The following DCC variants were observed in gnomAD, a reference collection of about 807,000 sequenced individuals.
DCC encodes the protein DCC netrin 1 receptor, also known as netrin receptor DCC.
In DCC, 58 loss-of-function variants were observed where a neutral mutation model predicts 172.5. The observed-to-expected ratio is 0.34, with a 90% CI of 0.27 to 0.42. The LOEUF (loss-of-function observed/expected upper bound fraction) is 0.42. DCC is among the 10% of genes least tolerant of loss of function. DCC has a pLI of 1.00. For missense variants in DCC, 1,740 were observed against 1,791.0 expected (o/e 0.97, Z 0.51); for synonymous variants, 709 against 644.5 (o/e 1.10, Z -1.52).
chr18:52,926,940 T>C (rs553849474), intron 5 of DCC, among the ~76,000 whole-genome samples: 28 of 115,082 alleles, frequency 2.4e-4, no homozygotes, highest in African/African-American at 8.0e-4. Context: ...TATATAAACG[T>C]ATATGATATA....
intron 5 of DCC, among the ~76,000 whole-genome samples, chr18:53,044,207 A>G (rs575223534): frequency 1.3e-5 from 2 of 151,986 alleles, no homozygotes; most frequent in Admixed American, 6.6e-5. Flanking sequence ...AGTCAGTGCC[A>G]TTTTGCCTTC....
chr18:52,855,763 CTTT>C (rs71175526), intron 2 of DCC, among the ~76,000 whole-genome samples: 3,271 of 121,182 alleles, frequency 0.027, 106 homozygotes, highest in African/African-American at 0.087. Context: ...CGTATAAATT[CTTT>C]TTTTTTTTTT....
chr18:52,841,003 G>A (rs2038796442), intron 2 of DCC, among the ~76,000 whole-genome samples: 3 of 152,284 alleles, frequency 2.0e-5, no homozygotes, highest in Admixed American at 2.0e-4. Flanking sequence ...ATGACTGGGT[G>A]TGGAAGCTGA....
chr18:53,164,287 C>T (rs1163008602), intron 8 of DCC, among the ~76,000 whole-genome samples: 3 of 152,032 alleles, frequency 2.0e-5, no homozygotes, highest in Admixed American at 2.0e-4. Context: ...CTATGTTGCT[C>T]AGGATAGAGT....
At chr18:52,564,523 G>A (rs944118336) in intron 1 of DCC, among the ~76,000 whole-genome samples, 1 of 151,970 alleles carries the variant, frequency 6.6e-6, no homozygotes, top group Admixed American at 6.6e-5. Flanking sequence ...CAAATTACAT[G>A]TGCATTTTAA....
rs570721755 is a variant in DCC at position 53,200,544 on chromosome 18, G to T, written c.1574-4672G>T. Among the ~76,000 whole-genome samples the T allele has an allele frequency of 3.9e-5, 6 of 152,304 alleles. No homozygotes were observed. The East Asian group carries it at 9.7e-4, about 25-fold the overall frequency. Reference sequence around the variant, plus strand: ...CAACTCAATGGAGTGTGTACTGGCCGTTCTCCTGGGACAAAGAACCAGGAC... The same window carrying T: ...CAACTCAATGGAGTGTGTACTGGCCTTTCTCCTGGGACAAAGAACCAGGAC... On this transcript the variant is annotated intron_variant, in intron 9 of 28. Transcript: ENST00000442544.
intron 1 of DCC, among the ~76,000 whole-genome samples, chr18:52,639,823 C>T (rs1461605942): frequency 6.6e-6 from 1 of 152,010 alleles, no homozygotes; most frequent in African/African-American, 2.4e-5. Flanking sequence ...GACACTATTC[C>T]ACAAGATAGA....
intron 12 of DCC, among the ~76,000 whole-genome samples, chr18:53,224,939 T>C (rs2056000493): frequency 6.6e-6 from 1 of 152,144 alleles, no homozygotes; most frequent in South Asian, 2.1e-4. Flanking sequence ...GTCACTGTCA[T>C]ATTGATAACA....
intron 7 of DCC, among the ~76,000 whole-genome samples, chr18:53,105,839 T>C (rs1203078529): frequency 3.3e-5 from 5 of 151,748 alleles, no homozygotes; most frequent in Non-Finnish European, 7.4e-5. Context: ...TCTGCCATCA[T>C]GCCTGCCTGG....
Position 53,179,034 on chromosome 18 carries a change from G to A in DCC, c.1491G>A (p.Met497Ile). 1 of 1,614,074 alleles carries A rather than the reference G, an allele frequency of 6.2e-7. No homozygotes were observed. The highest frequency in any genetic ancestry group is 8.5e-7 in the Non-Finnish European group (1 of 1,179,962). ...TGGGAAACCTGAAGCCAGAAGCCAT[G>A]TACACCTTTCGAGTTGTGGCTTACA... ...LTVGNLKPEA[M>I]YTFRVVAYNE... Residue 497 changes from methionine (M) to isoleucine (I), a missense_variant, in exon 9 of 29, where the codon ATG becomes ATA. Transcript: ENST00000442544.
At chr18:53,349,971 C>T (rs147575149) in intron 15 of DCC, among the ~76,000 whole-genome samples, 279 of 152,196 alleles carry the variant, frequency 1.8e-3, no homozygotes, top group African/African-American at 6.1e-3. Context: ...CTGAATTTGG[C>T]TTAGGCAGTT....
intron 1 of DCC, among the ~76,000 whole-genome samples, chr18:52,379,259 A>G (rs147252632): frequency 2.1e-5 from 3 of 145,738 alleles, no homozygotes; most frequent in Non-Finnish European, 4.6e-5. Context: ...TTTTTTTTTC[A>G]AAAACAGATT....
intron 5 of DCC, among the ~76,000 whole-genome samples, chr18:53,052,565 A>G (rs765522058): frequency 7.2e-5 from 11 of 151,914 alleles, no homozygotes; most frequent in Non-Finnish European, 1.0e-4. Flanking sequence ...CCTTCTTGGG[A>G]TCCCTTAAGC....
chr18:52,883,273 G>A (rs1360104715), intron 2 of DCC, among the ~76,000 whole-genome samples: 1 of 151,362 alleles, frequency 6.6e-6, no homozygotes, highest in Non-Finnish European at 1.5e-5. Flanking sequence ...TGATAAGTAA[G>A]GACTTATTCC....
intron 19 of DCC, among the ~76,000 whole-genome samples, chr18:53,408,860 G>A (rs930218910): frequency 6.6e-6 from 1 of 152,132 alleles, no homozygotes; most frequent in African/African-American, 2.4e-5. Context: ...AGAGAAATGG[G>A]CTTCCAGATG....
chr18:52,988,181 T>A (rs1411473825), intron 5 of DCC, among the ~76,000 whole-genome samples: 5 of 152,302 alleles, frequency 3.3e-5, no homozygotes, highest in South Asian at 4.1e-4. Context: ...GTTTAGCACA[T>A]TTTTAGCAAA....
chr18:53,461,712 G>C (rs2045561709), intron 24 of DCC, among the ~76,000 whole-genome samples: 1 of 152,174 alleles, frequency 6.6e-6, no homozygotes, highest in African/African-American at 2.4e-5. Flanking sequence ...GTCAACCATG[G>C]ATTGTTGAAT....
chr18:53,313,135 A>C (rs1038845399), intron 13 of DCC, among the ~76,000 whole-genome samples: 2 of 152,068 alleles, frequency 1.3e-5, no homozygotes, highest in Non-Finnish European at 2.9e-5. Context: ...ATCTTCTGAT[A>C]TCAGCTATCA....
At chr18:52,965,431 A>C (rs2040913357) in intron 5 of DCC, among the ~76,000 whole-genome samples, 1 of 152,156 alleles carries the variant, frequency 6.6e-6, no homozygotes, top group Non-Finnish European at 1.5e-5. Flanking sequence ...TTTAAAGTAC[A>C]AATTTCTAAG....
Sources: gnomAD v4.1 joint callset for allele counts (sites outside exome capture counted in the v4.1 genomes callset) on GRCh38, gnomAD v4.1.1 for gene constraint, MANE v1.5 for transcripts, NCBI Gene and HGNC (gene_info 2026-07-23, HGNC 2026-07-21) for gene names.